The following FRS2 variants were observed in gnomAD, a reference collection of about 807,000 sequenced individuals.
The protein encoded by FRS2 is fibroblast growth factor receptor substrate 2, also known as FGFR signalling adaptor.
A neutral mutation model predicts 43.9 loss-of-function variants in FRS2; 8 were observed. That is an observed-to-expected ratio of 0.18 (90% CI 0.11 to 0.33). The LOEUF (loss-of-function observed/expected upper bound fraction) is 0.33, where lower values mean the gene tolerates loss of function less well. Among genes scored for constraint, FRS2 ranks in the 10% least tolerant of loss-of-function variants. The probability of loss-of-function intolerance (pLI) is 1.00; values close to 1 mark genes in which losing one functional copy is unlikely to be tolerated. For synonymous variants in FRS2, 219 were observed against 220.3 expected (o/e 0.99, Z 0.05); for missense variants, 534 against 627.6 (o/e 0.85, Z 1.59).
chr12:69,537,576 T>G (rs1226413639), intron 3 of FRS2, among the ~76,000 whole-genome samples: 1 of 152,172 alleles, frequency 6.6e-6, no homozygotes, highest in African/African-American at 2.4e-5. Flanking sequence ...GTAATAACCC[T>G]TTTATTTGGC....
At chr12:69,485,220 TC>T (rs1243676766) in intron 1 of FRS2, among the ~76,000 whole-genome samples, 2 of 151,698 alleles carry the variant, frequency 1.3e-5, no homozygotes, top group African/African-American at 4.9e-5. Flanking sequence ...TCTCGCTCTG[TC>T]CCCCAGGCTG....
intron 1 of FRS2, among the ~76,000 whole-genome samples, chr12:69,485,463 T>A (rs2120832159): frequency 6.6e-6 from 1 of 151,772 alleles, no homozygotes; most frequent in South Asian, 2.1e-4. Flanking sequence ...ATTACAGGCG[T>A]GAGCCACCGC....
chr12:69,485,105 A>ACACACACGCGCG (rs1555183219), intron 1 of FRS2, among the ~76,000 whole-genome samples: 1 of 146,292 alleles, frequency 6.8e-6, no homozygotes, highest in African/African-American at 2.7e-5. Context: ...ACACACACAC[A>ACACACACGCGCG]CACACACACA....
At chr12:69,477,916 A>AT (rs1203146700) in intron 1 of FRS2, among the ~76,000 whole-genome samples, 1 of 145,810 alleles carries the variant, frequency 6.9e-6, no homozygotes, top group Non-Finnish European at 1.5e-5. Flanking sequence ...AATTTTTTGT[A>AT]TTTTTTAGTA....
intron 1 of FRS2, among the ~76,000 whole-genome samples, chr12:69,476,804 AC>A: frequency 6.6e-6 from 1 of 152,082 alleles, no homozygotes; most frequent in South Asian, 2.1e-4. Flanking sequence ...AGCCTAGGTG[AC>A]TGTTAAATTA....
Position 69,572,236 on chromosome 12 carries a change from A to C in FRS2, c.531A>C (p.Ser177=). The change falls in exon 8 of 9, where the codon TCA becomes TCC. Residue 177 remains serine (S), a synonymous_variant. Coordinates refer to ENST00000549921, the MANE Select transcript of FRS2 (RefSeq NM_001278356.2). The part of the protein sequence containing the change: ...HPSVGSARLP[S]VGEESTHPLL... ...CTGTGGGAAGTGCTCGCCTGCCTTCAGTAGGGGAAGAATCTACACATCCTT... is the reference window on the plus strand; with the variant it reads ...CTGTGGGAAGTGCTCGCCTGCCTTCCGTAGGGGAAGAATCTACACATCCTT... 6.2e-7 allele frequency: 1 copy of C among 1,613,320 alleles called. No homozygotes were observed. The highest frequency in any genetic ancestry group is 8.5e-7 in the Non-Finnish European group (1 of 1,179,628).
intron 1 of FRS2, among the ~76,000 whole-genome samples, chr12:69,513,694 A>G (rs552051528): frequency 2.6e-5 from 4 of 152,304 alleles, no homozygotes; most frequent in African/African-American, 9.6e-5. Context: ...GTTTTCTGAT[A>G]ATAATTAAAA....
intron 3 of FRS2, among the ~76,000 whole-genome samples, chr12:69,561,718 A>T (rs917378053): frequency 4.6e-5 from 7 of 152,116 alleles, no homozygotes; most frequent in Middle Eastern, 3.4e-3. Context: ...GATATGGGGG[A>T]TGGATTTTGA....
At position 69,545,089 on chromosome 12, in the gene FRS2, C is replaced by T. The variant is rs184994147; in HGVS notation, c.-122+13033C>T. On this transcript the variant is annotated intron_variant, in intron 3 of 8. Coordinates refer to ENST00000549921, the MANE Select transcript of FRS2 (RefSeq NM_001278356.2). ...ATCAAAAAGAATAAAATACAAATAA[C>T]CAAAGAAGTGAAAGATTTTTACAAT... 5.6e-4 allele frequency among the ~76,000 whole-genome samples: 85 copies of T among 151,934 alleles called. 1 individual carries two copies. The highest frequency in any genetic ancestry group is 3.4e-3 in the Middle Eastern group (1 of 294).
rs554589968 is a variant in FRS2 at position 69,538,939 on chromosome 12, C to G, written c.-122+6883C>G. ...CATAACATTTAGTTACACAGAGGCC[C>G]TCCTAGATGCCATGACACCCCGGTA... On this transcript the variant is annotated intron_variant, in intron 3 of 8. Transcript: ENST00000549921. Among the ~76,000 whole-genome samples, 28 of 152,170 alleles carry G rather than the reference C, an allele frequency of 1.8e-4. 1 individual carries two copies. Among genetic ancestry groups the G allele is most frequent in the Admixed American group, 9.2e-4 (14 of 15,282 alleles).
chr12:69,509,026 T>C (rs917968982), intron 1 of FRS2, among the ~76,000 whole-genome samples: 6 of 152,240 alleles, frequency 3.9e-5, no homozygotes, highest in Non-Finnish European at 8.8e-5. Flanking sequence ...TTTAAAATTT[T>C]TTTCTTGTTA....
rs771534631 is a variant in FRS2 at position 69,572,258 on chromosome 12, C to T, written c.553C>T (p.Pro185Ser). 9.9e-6 allele frequency: 16 copies of T among 1,613,614 alleles called. No individual in the cohort carries two copies. Among genetic ancestry groups the T allele is most frequent in the Middle Eastern group, 1.6e-4 (1 of 6,082 alleles). ...LPSVGEESTH[P>S]LLVAEEQVHT... ...TTCAGTAGGGGAAGAATCTACACAT[C>T]CTTTGCTTGTGGCTGAGGAACAAGT... The change falls in exon 8 of 9, where the codon CCT becomes TCT. Residue 185 changes from proline (P) to serine (S), a missense_variant. Physicochemically the swap from Pro to Ser is moderately conservative, Grantham distance 74. Coordinates refer to ENST00000549921, the MANE Select transcript of FRS2 (RefSeq NM_001278356.2).
intron 4 of FRS2, among the ~76,000 whole-genome samples, chr12:69,565,049 T>C (rs1171682705): frequency 1.3e-5 from 2 of 152,210 alleles, no homozygotes; most frequent in Non-Finnish European, 2.9e-5. Context: ...GCAAACGTCA[T>C]AGAGTGTACT....
chr12:69,492,781 G>A (rs1176187878), intron 1 of FRS2, among the ~76,000 whole-genome samples: 1 of 152,112 alleles, frequency 6.6e-6, no homozygotes, highest in Non-Finnish European at 1.5e-5. Flanking sequence ...GAGGTATCTA[G>A]GGCTGGTCTC....
At chr12:69,533,250 C>CA (rs999755803) in intron 3 of FRS2, among the ~76,000 whole-genome samples, 3 of 151,910 alleles carry the variant, frequency 2.0e-5, no homozygotes, top group African/African-American at 7.3e-5. Context: ...AGGCCATAGT[C>CA]AAAGGAACAT....
chr12:69,545,330 A>G (rs10083182), intron 3 of FRS2, among the ~76,000 whole-genome samples: 5,181 of 152,304 alleles, frequency 0.034, 303 homozygotes, highest in African/African-American at 0.12. Flanking sequence ...AGCTAAAACA[A>G]TCTTGAAAAA....
intron 1 of FRS2, among the ~76,000 whole-genome samples, chr12:69,490,250 A>T (rs1187792699): frequency 6.6e-6 from 1 of 152,184 alleles, no homozygotes; most frequent in African/African-American, 2.4e-5. Flanking sequence ...TCTTTATCTA[A>T]TAGCAAAAAC....
At chr12:69,544,084 CG>C (rs1378101380) in intron 3 of FRS2, among the ~76,000 whole-genome samples, 1 of 16,268 alleles carries the variant, frequency 6.1e-5, no homozygotes, top group Non-Finnish European at 1.2e-4. Context: ...TGGGCAGGGT[CG>C]GGGGGGTGGG....
rs558572470 is a variant in FRS2 at position 69,563,398 on chromosome 12, A to G, written c.-27+1124A>G. ...CATGCTAAGCCTGTTCTTTAGCCTT[A>G]CTGAGGCCACCTGTTTTTTTGTTTT... On this transcript the variant is annotated intron_variant, in intron 4 of 8. Transcript: ENST00000549921. Among the ~76,000 whole-genome samples, 23 of 152,292 alleles carry G rather than the reference A, an allele frequency of 1.5e-4. No homozygotes were observed. In the East Asian group the frequency reaches 2.7e-3, roughly 18 times the overall value.
Sources: gnomAD v4.1 joint callset for allele counts (sites outside exome capture counted in the v4.1 genomes callset) on GRCh38, gnomAD v4.1.1 for gene constraint, MANE v1.5 for transcripts, NCBI Gene and HGNC (gene_info 2026-07-23, HGNC 2026-07-21) for gene names.